The following BZW2 variants were observed in gnomAD, a reference collection of about 807,000 sequenced individuals.
The protein encoded by BZW2 is eIF5-mimic protein 1.
A neutral mutation model predicts 53.2 loss-of-function variants in BZW2; 23 were observed. The ratio of observed to expected loss-of-function variants is 0.43; its 90% CI spans 0.31 to 0.61. The LOEUF is 0.61. Ranked by LOEUF, BZW2 falls within the 20% of genes least tolerant of loss-of-function variation. The pLI is 0.09. For missense variants in BZW2, 409 were observed against 503.1 expected, an observed-to-expected ratio of 0.81 and a Z score of 1.79; for synonymous variants, 227 against 186.4, an observed-to-expected ratio of 1.22 and a Z score of -1.77.
At chr7:16,677,628 G>A (rs1289162049) in intron 3 of BZW2, among the ~76,000 whole-genome samples, 1 of 152,136 alleles carries the variant, frequency 6.6e-6, no homozygotes, top group Non-Finnish European at 1.5e-5. Flanking sequence ...AACATTTTTA[G>A]TTTTACAGCT....
intron 1 of BZW2, among the ~76,000 whole-genome samples, chr7:16,660,863 C>T (rs1782241125): frequency 1.3e-5 from 2 of 152,014 alleles, no homozygotes; most frequent in Non-Finnish European, 1.5e-5. Context: ...CCTGGGGGTC[C>T]AATCTGGTCC....
rs1317179320 is a variant in BZW2 at position 16,704,571 on chromosome 7, TA to T, written c.1134del (p.Leu379Ter). On this transcript the variant is annotated frameshift_variant, in exon 11 of 12. Coordinates refer to ENST00000258761, the MANE Select transcript of BZW2 (RefSeq NM_014038.3). LOFTEE classifies it high-confidence loss of function. ...GCTGATGTTCTGAGCGAAGAAGCAA[TA>T]CTGAAATGGTATAAGGAAGCACATG... is the stretch of plus-strand genomic sequence containing the variant. ...YKADVLSEEA[I>X]LKWYKEAHVA... 1 of 1,572,408 alleles carries T rather than the reference TA, an allele frequency of 6.4e-7. No individual in the cohort carries two copies.
chr7:16,647,276 T>A (rs1781891793), intron 1 of BZW2, among the ~76,000 whole-genome samples: 1 of 152,232 alleles, frequency 6.6e-6, no homozygotes. Flanking sequence ...TCAATATGTG[T>A]GTCAAAGAGA....
intron 7 of BZW2, among the ~76,000 whole-genome samples, chr7:16,693,282 C>A (rs909776314): frequency 6.6e-6 from 1 of 152,106 alleles, no homozygotes; most frequent in Non-Finnish European, 1.5e-5. Flanking sequence ...CAAAAAATGA[C>A]ATGGTATGAT....
At chr7:16,692,196 A>G (rs1218576580) in intron 7 of BZW2, among the ~76,000 whole-genome samples, 25 of 152,182 alleles carry the variant, frequency 1.6e-4, no homozygotes, top group Admixed American at 1.6e-3. Context: ...AGAAAGAGCA[A>G]TTTATAGCAA....
At chr7:16,702,295 G>A (rs1783690305) in intron 10 of BZW2, among the ~76,000 whole-genome samples, 1 of 151,996 alleles carries the variant, frequency 6.6e-6, no homozygotes, top group Admixed American at 6.6e-5. Context: ...TTCATACTTT[G>A]CCTCATATGG....
intron 8 of BZW2, chr7:16,696,184 G>A (rs2128368175): frequency 6.6e-6 from 1 of 152,274 alleles, no homozygotes; most frequent in African/African-American, 2.4e-5. Flanking sequence ...GTATGCTGGA[G>A]ATATACGATG....
At chr7:16,681,128 T>A (rs1331148819) in intron 3 of BZW2, among the ~76,000 whole-genome samples, 173 bp from the exon 4 acceptor site, 1 of 152,066 alleles carries the variant, frequency 6.6e-6, no homozygotes, top group African/African-American at 2.4e-5. Flanking sequence ...GGAAAAAATG[T>A]ACAGCAACGT....
intron 2 of BZW2, among the ~76,000 whole-genome samples, chr7:16,671,451 C>G (rs575416776): frequency 6.6e-6 from 1 of 152,290 alleles, no homozygotes; most frequent in East Asian, 1.9e-4. Context: ...GTACGAATCT[C>G]TTAATACAAA....
rs1783859782 is a variant in BZW2 at position 16,706,433 on chromosome 7, A to G, written c.*345A>G. On this transcript the variant is annotated 3_prime_UTR_variant, in exon 12 of 12. Transcript: ENST00000258761. ...TGTGGTGACCGCCCCACTGGTGTCTATTACAGGCCACTTTGGTAGTTGTGT... is the reference window on the plus strand; with the variant it reads ...TGTGGTGACCGCCCCACTGGTGTCTGTTACAGGCCACTTTGGTAGTTGTGT... 1 of 208,878 alleles carries G rather than the reference A, an allele frequency of 4.8e-6. No homozygotes were observed. Among genetic ancestry groups the G allele is most frequent in the African/African-American group, 2.3e-5 (1 of 43,490 alleles). The allele number at this position is 208,878 out of a possible 1,614,324, so 12.9% of individuals were successfully genotyped here.
intron 9 of BZW2, 102 bp from the exon 10 acceptor site, chr7:16,697,946 G>A: frequency 1.4e-6 from 2 of 1,431,434 alleles, no homozygotes; most frequent in Non-Finnish European, 1.9e-6. Flanking sequence ...CTGAAAGTCA[G>A]TCTTTTCTAA....
chr7:16,691,355 A>C (rs569818509), intron 7 of BZW2, among the ~76,000 whole-genome samples: 1 of 152,224 alleles, frequency 6.6e-6, no homozygotes, highest in Non-Finnish European at 1.5e-5. Flanking sequence ...ATAAGTGAAT[A>C]GGTTGCTGAG....
chr7:16,689,084 G>T (rs796149073), intron 6 of BZW2, among the ~76,000 whole-genome samples: 46 of 152,154 alleles, frequency 3.0e-4, no homozygotes, highest in African/African-American at 1.1e-3. Context: ...AAATTAGCTG[G>T]GTGTGGTGGT....
At position 16,674,460 on chromosome 7, in the gene BZW2, A is replaced by G. The variant is rs372220513; in HGVS notation, c.107A>G (p.Gln36Arg). ...EPTVFRDTLV[Q>R]GLNEAGDDLE... is the part of the protein sequence containing the mutation. ...ACAGTCTTCAGGGATACACTTGTCCAGGGGCTTAATGAGGCTGGTGATGAC... is the reference window on the plus strand; with the variant it reads ...ACAGTCTTCAGGGATACACTTGTCCGGGGGCTTAATGAGGCTGGTGATGAC... Residue 36 changes from glutamine to arginine, a missense_variant, in exon 3 of 12, where the codon CAG becomes CGG. Around this residue, in one of 3 missense-constraint regions of BZW2, gnomAD observed 316 missense variants for 366.8 expected, o/e 0.86. Coordinates refer to ENST00000258761, the MANE Select transcript of BZW2 (RefSeq NM_014038.3). The G allele has an allele frequency of 1.9e-6, 3 of 1,612,598 alleles. No individual in the cohort carries two copies. Among genetic ancestry groups the G allele is most frequent in the African/African-American group, 2.7e-5 (2 of 74,908 alleles).
chr7:16,693,509 G>A (rs1301188726), intron 7 of BZW2, among the ~76,000 whole-genome samples: 1 of 152,102 alleles, frequency 6.6e-6, no homozygotes, highest in East Asian at 1.9e-4. Context: ...TATTGACTTG[G>A]GGGCACACAG....
intron 6 of BZW2, among the ~76,000 whole-genome samples, chr7:16,689,494 A>G (rs1284094371): frequency 6.6e-6 from 1 of 152,244 alleles, no homozygotes; most frequent in Non-Finnish European, 1.5e-5. Flanking sequence ...CAATAACACC[A>G]AAGATACTGG....
intron 10 of BZW2, among the ~76,000 whole-genome samples, chr7:16,699,789 C>T (rs994119220): frequency 6.6e-6 from 1 of 152,180 alleles, no homozygotes; most frequent in African/African-American, 2.4e-5. Context: ...CTAATGCCAA[C>T]CTCCTTTTCC....
Position 16,694,726 on chromosome 7 carries a change from C to G in BZW2, c.652-108C>G, listed in dbSNP as rs544104692. ...GTTGTTTTGTAAAACAGTCTTTATTCTTTTCTTCCAAATGTGAGATATTCT... is the reference window on the plus strand; with the variant it reads ...GTTGTTTTGTAAAACAGTCTTTATTGTTTTCTTCCAAATGTGAGATATTCT... On this transcript the variant is annotated intron_variant, in intron 7 of 11. Transcript: ENST00000258761. 25 of 939,996 alleles carry G rather than the reference C, an allele frequency of 2.7e-5. 1 individual carries two copies. The South Asian group carries it at 7.5e-4, about 28-fold the overall frequency. The allele number at this position is 939,996 out of a possible 1,614,324, so 58.2% of individuals were successfully genotyped here.
intron 11 of BZW2, 149 bp from the exon 12 acceptor site, chr7:16,705,911 C>T: frequency 1.2e-6 from 1 of 827,184 alleles, no homozygotes; most frequent in Non-Finnish European, 1.9e-6. Flanking sequence ...TGCTATCTGC[C>T]CTCATGTGAC....
Sources: allele counts gnomAD v4.1 joint callset (sites outside exome capture counted in the v4.1 genomes callset), GRCh38; gene constraint gnomAD v4.1.1; regional missense constraint gnomAD v4.1.1; transcripts MANE v1.5; gene names NCBI Gene and HGNC (gene_info 2026-07-23, HGNC 2026-07-21).